MACROD2: variants seen among roughly 807,000 people sequenced by gnomAD.
The protein encoded by MACROD2 is mono-ADP ribosylhydrolase 2.
In MACROD2, 36 loss-of-function variants were observed where a neutral mutation model predicts 70.4. The observed-to-expected ratio is 0.51, with a 90% CI of 0.39 to 0.68. The LOEUF (loss-of-function observed/expected upper bound fraction) is 0.68, where lower values mean the gene tolerates loss of function less well. MACROD2 is among the 30% of genes least tolerant of loss of function. MACROD2 has a pLI of 0.00. For missense variants in MACROD2, 496 were observed against 538.4 expected (o/e 0.92, Z 0.78); for synonymous variants, 172 against 178.8 (o/e 0.96, Z 0.30).
At chr20:14,907,946 T>C (rs1351936152) in intron 5 of MACROD2, among the ~76,000 whole-genome samples, 1 of 152,212 alleles carries the variant, frequency 6.6e-6, no homozygotes, top group Non-Finnish European at 1.5e-5. Context: ...ATAATTACTT[T>C]TGCATACAAA....
chr20:15,642,222 G>C (rs62196466), intron 8 of MACROD2, among the ~76,000 whole-genome samples: 13,172 of 152,192 alleles, frequency 0.087, 810 homozygotes, highest in East Asian at 0.16. Flanking sequence ...AGACAATGGA[G>C]GGGATTGTGG....
chr20:15,682,349 T>A (rs1482770917), intron 8 of MACROD2, among the ~76,000 whole-genome samples: 1 of 152,186 alleles, frequency 6.6e-6, no homozygotes, highest in Non-Finnish European at 1.5e-5. Flanking sequence ...CTTAAATGCT[T>A]AGTTTGGTTT....
intron 2 of MACROD2, among the ~76,000 whole-genome samples, chr20:14,074,377 A>C (rs998128360): frequency 2.0e-5 from 3 of 152,184 alleles, no homozygotes; most frequent in Non-Finnish European, 4.4e-5. Context: ...TCCAGGACTC[A>C]GCTGTATACC....
At chr20:15,643,054 A>G (rs913273753) in intron 8 of MACROD2, among the ~76,000 whole-genome samples, 5 of 152,208 alleles carry the variant, frequency 3.3e-5, no homozygotes, top group African/African-American at 1.2e-4. Context: ...ATTGCAAGAA[A>G]TAAGTGCAGT....
At chr20:15,371,187 T>G (rs1467176364) in intron 6 of MACROD2, among the ~76,000 whole-genome samples, 1 of 152,126 alleles carries the variant, frequency 6.6e-6, no homozygotes, top group Non-Finnish European at 1.5e-5. Context: ...ACTGTTGAAC[T>G]TGATAATGTT....
At chr20:14,831,431 C>G (rs1430314187) in intron 5 of MACROD2, among the ~76,000 whole-genome samples, 2 of 151,886 alleles carry the variant, frequency 1.3e-5, no homozygotes, top group Non-Finnish European at 2.9e-5. Flanking sequence ...TAAGATTTGC[C>G]TTTTGACAGT....
intron 5 of MACROD2, among the ~76,000 whole-genome samples, chr20:14,784,738 G>A (rs1015517258): frequency 2.0e-5 from 3 of 147,056 alleles, no homozygotes; most frequent in African/African-American, 7.5e-5. Flanking sequence ...CTAACAGCTT[G>A]CACTCAAGCT....
chr20:15,259,374 G>A (rs1203297065), intron 6 of MACROD2, among the ~76,000 whole-genome samples: 1 of 151,942 alleles, frequency 6.6e-6, no homozygotes, highest in Non-Finnish European at 1.5e-5. Context: ...TAGGTAGAAG[G>A]AAGGCAAAAA....
At chr20:14,858,121 G>C (rs932036778) in intron 5 of MACROD2, among the ~76,000 whole-genome samples, 1 of 152,024 alleles carries the variant, frequency 6.6e-6, no homozygotes, top group Non-Finnish European at 1.5e-5. Flanking sequence ...GTGCCTGGCC[G>C]AGGAATGTTT....
chr20:15,320,961 A>G (rs1171916709), intron 6 of MACROD2, among the ~76,000 whole-genome samples: 1 of 152,244 alleles, frequency 6.6e-6, no homozygotes, highest in Non-Finnish European at 1.5e-5. Flanking sequence ...GGGTGAGGAA[A>G]AAAACAACTC....
intron 5 of MACROD2, among the ~76,000 whole-genome samples, chr20:15,224,069 G>A (rs1051695421): frequency 6.6e-6 from 1 of 152,154 alleles, no homozygotes; most frequent in Non-Finnish European, 1.5e-5. Context: ...AGAGAAAGAT[G>A]TCAGTCCAGC....
chr20:15,501,986 A>T (rs2047370624), intron 8 of MACROD2, among the ~76,000 whole-genome samples: 1 of 152,188 alleles, frequency 6.6e-6, no homozygotes, highest in Non-Finnish European at 1.5e-5. Context: ...TCATTTGATA[A>T]ATATTTATTG....
intron 8 of MACROD2, among the ~76,000 whole-genome samples, chr20:15,582,182 G>C (rs1051948665): frequency 6.6e-6 from 1 of 151,806 alleles, no homozygotes; most frequent in Non-Finnish European, 1.5e-5. Flanking sequence ...GGAGGCTCAC[G>C]GGAGTCTTGC....
At chr20:14,530,696 G>A (rs775108707) in intron 4 of MACROD2, among the ~76,000 whole-genome samples, 10 of 152,184 alleles carry the variant, frequency 6.6e-5, no homozygotes, top group Non-Finnish European at 1.3e-4. Context: ...TGGTTAAACT[G>A]CTGGTATCCT....
chr20:14,105,313 A>G (rs2054354695), intron 3 of MACROD2, among the ~76,000 whole-genome samples: 1 of 152,168 alleles, frequency 6.6e-6, no homozygotes, highest in Non-Finnish European at 1.5e-5. Flanking sequence ...GGCATTGGCT[A>G]TGTGGTACAG....
chr20:14,368,268 A>G (rs1419605371), intron 3 of MACROD2, among the ~76,000 whole-genome samples: 3 of 152,180 alleles, frequency 2.0e-5, no homozygotes, highest in Non-Finnish European at 4.4e-5. Context: ...AACTGGGCAT[A>G]TAGGCCACGC....
At chr20:14,440,170 A>T (rs181955111) in intron 3 of MACROD2, among the ~76,000 whole-genome samples, 1 of 152,272 alleles carries the variant, frequency 6.6e-6, no homozygotes, top group Non-Finnish European at 1.5e-5. Context: ...CCTGAGTTTC[A>T]TTATTGATAA....
At chr20:14,367,453 T>G (rs1230422130) in intron 3 of MACROD2, among the ~76,000 whole-genome samples, 1 of 152,222 alleles carries the variant, frequency 6.6e-6, no homozygotes, top group Admixed American at 6.5e-5. Flanking sequence ...TTCTCATAGG[T>G]CAGTTTTACT....
At chr20:15,261,489 A>G (rs2077248982) in intron 6 of MACROD2, among the ~76,000 whole-genome samples, 1 of 152,006 alleles carries the variant, frequency 6.6e-6, no homozygotes. Flanking sequence ...AATCATTTCA[A>G]TATAGAAACC....
Sources: gnomAD v4.1 joint callset for allele counts (sites outside exome capture counted in the v4.1 genomes callset) on GRCh38, gnomAD v4.1.1 for gene constraint, MANE v1.5 for transcripts, NCBI Gene and HGNC (gene_info 2026-07-23, HGNC 2026-07-21) for gene names.